Variants in REV3L observed in about 807,000 individuals in gnomAD.
REV3L encodes the protein REV3 like, DNA directed polymerase zeta catalytic subunit, also known as DNA polymerase zeta catalytic subunit.
REV3L carries 69 observed loss-of-function variants against 299.4 expected under a neutral mutation model. That is an observed-to-expected ratio of 0.23 (90% CI 0.19 to 0.28). REV3L has a LOEUF of 0.28. REV3L is among the 10% of genes least tolerant of loss of function. REV3L has a pLI of 1.00. For missense variants in REV3L, 3,128 were observed against 3,693.8 expected (o/e 0.85, Z 3.97); for synonymous variants, 1,238 against 1,271.4 (o/e 0.97, Z 0.56).
intron 13 of REV3L, among the ~76,000 whole-genome samples, chr6:111,372,301 C>T (rs1436597632): frequency 1.3e-5 from 2 of 152,166 alleles, no homozygotes; most frequent in Non-Finnish European, 2.9e-5. Context: ...ATCATGACAT[C>T]TTTACAGTGA....
rs1789515658 is a variant in REV3L at position 111,451,333 on chromosome 6, C to T, written c.139+31417G>A. On this transcript the variant is annotated intron_variant, in intron 1 of 31. Coordinates refer to ENST00000368802, the MANE Select transcript of REV3L (RefSeq NM_001372078.1). ...AAATCTGTCACTTTCCCAACTTCTT[C>T]TGGGCTTAAATTCCCTAACAAAAGG... is the stretch of plus-strand genomic sequence containing the variant. Among the ~76,000 whole-genome samples, 3 of 152,178 alleles carry T rather than the reference C, an allele frequency of 2.0e-5. No homozygotes were observed. The South Asian group carries it at 6.2e-4, about 31-fold the overall frequency.
chr6:111,436,328 GT>G (rs1487551521), intron 1 of REV3L, among the ~76,000 whole-genome samples: 1 of 152,084 alleles, frequency 6.6e-6, no homozygotes, highest in Non-Finnish European at 1.5e-5. Context: ...GTACTCCCAT[GT>G]TTATTGAAGC....
At chr6:111,305,568 C>CA (rs1449395826) in intron 31 of REV3L, among the ~76,000 whole-genome samples, 1 of 151,490 alleles carries the variant, frequency 6.6e-6, no homozygotes, top group African/African-American at 2.4e-5. Flanking sequence ...GTCTGGGTGA[C>CA]AAAGTGAGAC....
chr6:111,402,398 A>G (rs759735029), intron 4 of REV3L, among the ~76,000 whole-genome samples: 1 of 152,140 alleles, frequency 6.6e-6, no homozygotes, highest in Non-Finnish European at 1.5e-5. Context: ...TCTGCTTTTC[A>G]TCTCTCTCAC....
chr6:111,372,751 G>A lies in REV3L; in HGVS notation c.5604C>T (p.Gly1868=). The change falls in exon 13 of 32, where the codon GGC becomes GGT. Residue 1868 remains glycine, a synonymous_variant. Transcript: ENST00000368802. ...TGTTAGCAGTTCGAGGGGTGAAGCT[G>A]CCATTTTTAGATTGTGAAGGAGAGC... ...STSSPSQSKN[G]SFTPRTANIL... 6.2e-7 allele frequency: 1 copy of A among 1,612,420 alleles called. No homozygotes were observed. The highest frequency in any genetic ancestry group is 8.5e-7 in the Non-Finnish European group (1 of 1,179,300).
chr6:111,448,439 G>T (rs1283829835), intron 1 of REV3L, among the ~76,000 whole-genome samples: 5 of 151,748 alleles, frequency 3.3e-5, no homozygotes, highest in Non-Finnish European at 2.9e-5. Flanking sequence ...CCTAGGCTCA[G>T]ATGATCCACC....
chr6:111,481,641 G>A (rs1793666422), intron 1 of REV3L, among the ~76,000 whole-genome samples: 1 of 152,196 alleles, frequency 6.6e-6, no homozygotes, highest in African/African-American at 2.4e-5. Context: ...GGAGCATCAA[G>A]TGGGAAATGC....
chr6:111,351,662 A>G lies in REV3L; in HGVS notation c.7300+14T>C, dbSNP rs1348888408. 1.3e-6 allele frequency: 2 copies of G among 1,589,140 alleles called. No homozygotes were observed. The highest frequency in any genetic ancestry group is 2.7e-5 in the African/African-American group (2 of 74,154). ...TCTGTAGTTGAATGACAAAACATTC[A>G]CAATGACACATACCTGGCACCCGAG... On this transcript the variant is annotated intron_variant, in intron 19 of 31. Coordinates refer to ENST00000368802, the MANE Select transcript of REV3L (RefSeq NM_001372078.1).
rs752275369 is a variant in REV3L at position 111,367,455 on chromosome 6, A to G, written c.6333T>C (p.Asp2111=). The G allele has an allele frequency of 2.5e-6, 4 of 1,609,532 alleles. No individual in the cohort carries two copies. The highest frequency in any genetic ancestry group is 1.3e-5 in the African/African-American group (1 of 74,784). ...GGGAGCTATAACTAATGTAATAGTT[A>G]TCATCATCATCTTCATCTTTTTCGG... is the stretch of plus-strand genomic sequence containing the variant. ...SDPEKDEDDD[D]NYYISYSSPD... Residue 2111 remains aspartate, a synonymous_variant, in exon 14 of 32, where the codon GAT becomes GAC. Transcript: ENST00000368802.
At chr6:111,408,602 A>AAAAACAAAAC (rs75742786) in intron 3 of REV3L, among the ~76,000 whole-genome samples, 28,732 of 147,976 alleles carry the variant, frequency 0.19, 3,343 homozygotes, top group East Asian at 0.3. Flanking sequence ...ACTCCATCTT[A>AAAAACAAAAC]AAAACAAAAC....
intron 5 of REV3L, among the ~76,000 whole-genome samples, chr6:111,392,367 T>C (rs776840966): frequency 2.0e-4 from 30 of 152,122 alleles, no homozygotes; most frequent in South Asian, 4.2e-4. Context: ...TGCTTTGAAA[T>C]AGAGAAATCC....
intron 11 of REV3L, among the ~76,000 whole-genome samples, 169 bp downstream of exon 11, chr6:111,379,813 G>A (rs867667961): frequency 7.9e-5 from 12 of 152,198 alleles, no homozygotes; most frequent in South Asian, 4.2e-4. Context: ...ATTTTGCTTG[G>A]AATATGGAGT....
chr6:111,377,933 A>G lies in REV3L; in HGVS notation c.1455-90T>C, dbSNP rs1387894144. On this transcript the variant is annotated intron_variant, in intron 11 of 31. Transcript: ENST00000368802. The stretch of plus-strand genomic sequence containing the variant: ...ATGCATCTAAGTTAACTCTATAATA[A>G]TGTATCTAAGTTAACTATAATAATG... 7 of 1,018,586 alleles carry G rather than the reference A, an allele frequency of 6.9e-6. No individual in the cohort carries two copies. The Admixed American group carries it at 2.1e-4, about 30-fold the overall frequency. The allele number at this position is 1,018,586 out of a possible 1,614,324, so 63.1% of individuals were successfully genotyped here. A position where few individuals can be genotyped will look rare whatever the true frequency, so the allele number is the denominator to read the frequency against.
Position 111,313,531 on chromosome 6 carries a change from C to T in REV3L, c.8467-42G>A, listed in dbSNP as rs749549857. The stretch of plus-strand genomic sequence containing the variant: ...AAAATGCCTCTTAAAAACCATTTCC[C>T]CCCACCAAGAATGTTTTATTTTTAT... On this transcript the variant is annotated intron_variant, in intron 27 of 31. Coordinates refer to ENST00000368802, the MANE Select transcript of REV3L (RefSeq NM_001372078.1). 5 of 1,552,194 alleles carry T rather than the reference C, an allele frequency of 3.2e-6. No individual in the cohort carries two copies. In the South Asian group the frequency reaches 6.1e-5, roughly 19 times the overall value.
At chr6:111,343,696 A>G (rs539979773) in intron 21 of REV3L, among the ~76,000 whole-genome samples, 1 of 152,084 alleles carries the variant, frequency 6.6e-6, no homozygotes, top group East Asian at 1.9e-4. Context: ...CACCTGGCCA[A>G]TTTTTGTATT....
At chr6:111,356,397 A>T (rs951687815) in intron 18 of REV3L, among the ~76,000 whole-genome samples, 2 of 151,996 alleles carry the variant, frequency 1.3e-5, no homozygotes, top group African/African-American at 2.4e-5. Flanking sequence ...TTTGTTAAAA[A>T]TTTTTTTTCA....
At chr6:111,475,838 T>C (rs1322141229) in intron 1 of REV3L, among the ~76,000 whole-genome samples, 1 of 152,190 alleles carries the variant, frequency 6.6e-6, no homozygotes, top group Non-Finnish European at 1.5e-5. Flanking sequence ...CTGGATTACG[T>C]AAAAAATAAT....
At chr6:111,377,988 C>T in intron 11 of REV3L, 145 bp from the exon 12 acceptor site, 2 of 616,270 alleles carry the variant, frequency 3.2e-6, no homozygotes, top group East Asian at 3.2e-5. Context: ...TAAAACAATA[C>T]AAAAAATCTG....
intron 9 of REV3L, among the ~76,000 whole-genome samples, chr6:111,387,365 A>G (rs1781450089): frequency 6.6e-6 from 1 of 152,174 alleles, no homozygotes. Context: ...AACTTTGTAA[A>G]TCATTGAATT....
Sources: gnomAD v4.1 joint callset for allele counts (sites outside exome capture counted in the v4.1 genomes callset) on GRCh38, gnomAD v4.1.1 for gene constraint, MANE v1.5 for transcripts, NCBI Gene and HGNC (gene_info 2026-07-23, HGNC 2026-07-21) for gene names.